The following PHF13 variants were observed in gnomAD, a reference collection of about 807,000 sequenced individuals.
The protein encoded by PHF13 is PHD zinc finger protein PHF5.
Under a neutral mutation model 25.8 loss-of-function variants are expected in PHF13, and 1 was observed. That is an observed-to-expected ratio of 0.04 (90% CI 0.01 to 0.18). The LOEUF (loss-of-function observed/expected upper bound fraction) is 0.18. Ranked by LOEUF, PHF13 falls within the 10% of genes least tolerant of loss-of-function variation. The probability of loss-of-function intolerance (pLI) is 1.00; values close to 1 mark genes in which losing one functional copy is unlikely to be tolerated. For synonymous variants in PHF13, 195 were observed against 162.4 expected (o/e 1.20, Z -1.53); for missense variants, 306 against 403.2 (o/e 0.76, Z 2.06).
In PHF13 at chr1:6,616,562, A is replaced by G. The variant is rs78407972; in HGVS notation, c.40-195A>G. 7.1e-3 allele frequency among the ~76,000 whole-genome samples: 1,085 copies of G among 152,048 alleles called. 21 individuals are homozygous for G. The highest frequency in any genetic ancestry group is 0.025 in the African/African-American group (1,036 of 41,460). On this transcript the variant is annotated intron_variant, in intron 1 of 3. Transcript: ENST00000377648. ...AGCATTCTTGGCATAAAGTCTTAAT[A>G]CTCCTCTTTCTGCTCTCTGAAAATA... is the stretch of plus-strand genomic sequence containing the variant.
chr1:6,616,995 T>C, intron 2 of PHF13, 137 bp downstream of exon 2: 1 of 661,286 alleles, frequency 1.5e-6, no homozygotes, highest in Non-Finnish European at 2.7e-6. Flanking sequence ...CAGTCACTAG[T>C]CTGGCAGAAA....
intron 2 of PHF13, among the ~76,000 whole-genome samples, chr1:6,618,686 C>A (rs542521969): frequency 6.6e-6 from 1 of 152,090 alleles, no homozygotes; most frequent in Non-Finnish European, 1.5e-5. Flanking sequence ...CTCTGTGGCT[C>A]AGGCTGGAGT....
chr1:6,617,482 G>A (rs771388984), intron 2 of PHF13, among the ~76,000 whole-genome samples: 1 of 152,220 alleles, frequency 6.6e-6, no homozygotes, highest in Non-Finnish European at 1.5e-5. Flanking sequence ...CTGTCGCCCA[G>A]GCTGGAGTGC....
rs769043427 is a variant in PHF13 at position 6,621,543 on chromosome 1, A to C, written c.809A>C (p.Glu270Ala). ...AAAATCCGGAAATCCAATGTTCCAG[A>C]AGTGTTTGTCTGCCAAAAGTGCCGG... The part of the protein sequence containing the change: ...CAKIRKSNVP[E>A]VFVCQKCRDS... The change falls in exon 4 of 4, where the codon GAA becomes GCA. Residue 270 changes from glutamate to alanine, a missense_variant. Physicochemically the swap from Glu to Ala is moderately radical, Grantham distance 107. Around this residue, in one of 5 missense-constraint regions of PHF13, gnomAD observed 40 missense variants for 71.6 expected, o/e 0.56. Coordinates refer to ENST00000377648, the MANE Select transcript of PHF13 (RefSeq NM_153812.3). This position sits in a 1 kb window ranked among gnomAD's most constrained non-coding sequence, Gnocchi z 4.8. 2 of 1,614,164 alleles carry C rather than the reference A, an allele frequency of 1.2e-6. No homozygotes were observed. Among genetic ancestry groups the C allele is most frequent in the Admixed American group, 1.7e-5 (1 of 60,018 alleles).
intron 1 of PHF13, 78 bp from the exon 2 acceptor site, chr1:6,616,679 G>C: frequency 1.6e-6 from 2 of 1,249,144 alleles, no homozygotes; most frequent in Non-Finnish European, 2.4e-6. Context: ...AAAAGTTCCA[G>C]CTTACTTCCT....
rs751779157 is a variant in PHF13 at position 6,621,475 on chromosome 1, C to T, written c.741C>T (p.Ile247=). Residue 247 remains isoleucine, a synonymous_variant, in exon 4 of 4, where the codon ATC becomes ATT. Coordinates refer to ENST00000377648, the MANE Select transcript of PHF13 (RefSeq NM_153812.3). This position sits in a 1 kb window ranked among gnomAD's most constrained non-coding sequence, Gnocchi z 4.8. Reference sequence around the variant, plus strand: ...AGCCATTTGCCGGCCGCCCCATGATCGAGTGTAATGAGTGCCACACCTGGA... The same window carrying T: ...AGCCATTTGCCGGCCGCCCCATGATTGAGTGTAATGAGTGCCACACCTGGA... ...CMKPFAGRPM[I]ECNECHTWIH... The T allele has an allele frequency of 2.5e-6, 4 of 1,614,088 alleles. No individual in the cohort carries two copies. The highest frequency in any genetic ancestry group is 2.2e-5 in the South Asian group (2 of 91,080).
At chr1:6,614,317 A>G in intron 1 of PHF13, 1 of 497,962 alleles carries the variant, frequency 2.0e-6, no homozygotes, top group Non-Finnish European at 3.4e-6. Flanking sequence ...CCCTCCGCGG[A>G]CCTCCGCGTC....
rs1408011428 is a variant in PHF13, at chr1:6,623,191, G to GT, written c.*1555dup. 1 of 152,226 alleles carries GT rather than the reference G, an allele frequency of 6.6e-6. No individual in the cohort carries two copies. Among genetic ancestry groups the GT allele is most frequent in the Non-Finnish European group, 1.5e-5 (1 of 68,048 alleles). The allele number at this position is 152,226 out of a possible 1,614,324, so 9.4% of individuals were successfully genotyped here. On this transcript the variant is annotated 3_prime_UTR_variant, in exon 4 of 4. Transcript: ENST00000377648. ...ACTGAAGCACCAAGGGGCTTGAACC[G>GT]TAATTTGGCTAATCAGAGGCATTTT...
chr1:6,613,931 T>G lies in PHF13; in HGVS notation c.-136T>G. On this transcript the variant is annotated 5_prime_UTR_variant, in exon 1 of 4. Transcript: ENST00000377648. ...GAGAAGCGACGCGCTGAGCCCCCCA[T>G]CACCTCCAGCCCGGGCGACCCCTCC... 2 of 557,234 alleles carry G rather than the reference T, an allele frequency of 3.6e-6. No individual in the cohort carries two copies. The highest frequency in any genetic ancestry group is 3.1e-6 in the Non-Finnish European group (1 of 322,266). The allele number at this position is 557,234 out of a possible 1,614,324, so 34.5% of individuals were successfully genotyped here.
intron 2 of PHF13, among the ~76,000 whole-genome samples, chr1:6,618,618 G>A (rs1641296134): frequency 6.6e-6 from 1 of 152,120 alleles, no homozygotes; most frequent in South Asian, 2.1e-4. Flanking sequence ...CTGCTACATA[G>A]GTGGCTAATG....
intron 2 of PHF13, among the ~76,000 whole-genome samples, chr1:6,618,872 C>A (rs1481167599): frequency 3.9e-5 from 6 of 152,026 alleles, no homozygotes; most frequent in African/African-American, 1.4e-4. Flanking sequence ...GTGTCGAACT[C>A]CTGAGCTCAG....
chr1:6,614,205 C>T, intron 1 of PHF13, 100 bp downstream of exon 1: 2 of 1,046,518 alleles, frequency 1.9e-6, no homozygotes, highest in East Asian at 2.8e-5. Context: ...CGCCGCCCTC[C>T]CCTTCCCCCG....
chr1:6,619,764 G>A, intron 2 of PHF13, 39 bp from the exon 3 acceptor site: 1 of 1,555,006 alleles, frequency 6.4e-7, no homozygotes, highest in Non-Finnish European at 8.7e-7. Context: ...GCTGGATCTT[G>A]TCACCAGTAA....
Position 6,621,525 on chromosome 1 carries a change from G to A in PHF13, c.791G>A (p.Arg264Gln). ...TWIHLSCAKI[R>Q]KSNVPEVFVC... Reference sequence around the variant, plus strand: ...ATTCACCTGTCCTGTGCGAAAATCCGGAAATCCAATGTTCCAGAAGTGTTT... The same window carrying A: ...ATTCACCTGTCCTGTGCGAAAATCCAGAAATCCAATGTTCCAGAAGTGTTT... Residue 264 changes from arginine (R) to glutamine (Q), a missense_variant, in exon 4 of 4, where the codon CGG (arginine) becomes CAG (glutamine). Arg to Gln is a conservative substitution (Grantham distance 43). Transcript: ENST00000377648. This position sits in a 1 kb window ranked among gnomAD's most constrained non-coding sequence, Gnocchi z 4.8. The A allele has an allele frequency of 6.2e-7, 1 of 1,614,138 alleles. No homozygotes were observed. The highest frequency in any genetic ancestry group is 8.5e-7 in the Non-Finnish European group (1 of 1,180,034).
At position 6,623,142 on chromosome 1, in the gene PHF13, G is replaced by A. The variant is rs1274108906; in HGVS notation, c.*1505G>A. On this transcript the variant is annotated 3_prime_UTR_variant, in exon 4 of 4. Transcript: ENST00000377648. Reference sequence around the variant, plus strand: ...GTGGCACCTTTGTGCCAGGCCACCAGGCAGACTCTTCCCACCTTCTCCCAC... The same window carrying A: ...GTGGCACCTTTGTGCCAGGCCACCAAGCAGACTCTTCCCACCTTCTCCCAC... 6.6e-6 allele frequency: 1 copy of A among 152,262 alleles called. No homozygotes were observed. The highest frequency in any genetic ancestry group is 2.1e-4 in the South Asian group (1 of 4,834). 9.4% of individuals were successfully genotyped at this position (152,262 alleles called of 1,614,324 possible).
chr1:6,620,892 C>T (rs981584759), intron 3 of PHF13, among the ~76,000 whole-genome samples: 13 of 151,398 alleles, frequency 8.6e-5, no homozygotes, highest in Non-Finnish European at 1.3e-4. Context: ...ATTAGCTGGG[C>T]GTGGTGGTGC....
chr1:6,622,911 G>A lies in PHF13; in HGVS notation c.*1274G>A, dbSNP rs910083657. The A allele has an allele frequency of 1.3e-5, 2 of 152,266 alleles. No individual in the cohort carries two copies. Among genetic ancestry groups the A allele is most frequent in the African/African-American group, 4.8e-5 (2 of 41,464 alleles). 9.4% of individuals were successfully genotyped at this position (152,266 alleles called of 1,614,324 possible). ...GGAACACTGGTAGTTCTGGGGCTGG[G>A]AGGGAGAGGGGCTCCGGCTTTCTCT... On this transcript the variant is annotated 3_prime_UTR_variant, in exon 4 of 4. Coordinates refer to ENST00000377648, the MANE Select transcript of PHF13 (RefSeq NM_153812.3).
intron 2 of PHF13, among the ~76,000 whole-genome samples, chr1:6,617,398 T>C (rs932468114): frequency 1.3e-5 from 2 of 151,334 alleles, no homozygotes; most frequent in African/African-American, 2.4e-5. Context: ...TAGTAAACTT[T>C]CAGTTTATTT....
chr1:6,614,794 C>G (rs573542040), intron 1 of PHF13, among the ~76,000 whole-genome samples: 1 of 151,630 alleles, frequency 6.6e-6, no homozygotes, highest in South Asian at 2.1e-4. Flanking sequence ...GGCTCACTCC[C>G]CCTCCTTCCG....
Sources: gnomAD v4.1 joint callset for allele counts (sites outside exome capture counted in the v4.1 genomes callset) on GRCh38, gnomAD v4.1.1 for gene constraint, gnomAD v4.1.1 regional missense constraint, Gnocchi (gnomAD v3.1) non-coding constraint, MANE v1.5 for transcripts, NCBI Gene and HGNC (gene_info 2026-07-23, HGNC 2026-07-21) for gene names.